The following UNC13B variants were observed in gnomAD, a reference collection of about 807,000 sequenced individuals.
UNC13B encodes the protein unc-13 homolog B.
In UNC13B, 144 loss-of-function variants were observed where a neutral mutation model predicts 211.0. That is an observed-to-expected ratio of 0.68 (90% CI 0.60 to 0.78). The LOEUF (loss-of-function observed/expected upper bound fraction) is 0.78. Among genes scored for constraint, UNC13B ranks in the 30% least tolerant of loss-of-function variants. The pLI is 0.00. For missense variants in UNC13B, 1,777 were observed against 2,002.0 expected, an observed-to-expected ratio of 0.89 and a Z score of 2.14; for synonymous variants, 709 against 725.8, an observed-to-expected ratio of 0.98 and a Z score of 0.37.
rs529822673 is a variant in UNC13B at position 35,277,806 on chromosome 9, T to C, written c.527-17890T>C. ...GTAATTTATAATTACATATTCACAT[T>C]GTGTACACAGTAATACCATGGAAAG... On this transcript the variant is annotated intron_variant, in intron 7 of 39. Coordinates refer to ENST00000635942, the MANE Select transcript of UNC13B (RefSeq NM_001371189.2). Among the ~76,000 whole-genome samples, 16 of 151,948 alleles carry C rather than the reference T, an allele frequency of 1.1e-4. No individual in the cohort carries two copies. The South Asian group carries it at 1.5e-3, about 14-fold the overall frequency.
At chr9:35,197,625 T>C (rs148485449) in intron 1 of UNC13B, among the ~76,000 whole-genome samples, 244 of 152,356 alleles carry the variant, frequency 1.6e-3, no homozygotes, top group African/African-American at 5.5e-3. Context: ...CGAATTGTAT[T>C]GTAATCCCTA....
At chr9:35,191,693 C>G (rs1446826622) in intron 1 of UNC13B, among the ~76,000 whole-genome samples, 3 of 152,228 alleles carry the variant, frequency 2.0e-5, no homozygotes, top group African/African-American at 7.2e-5. Context: ...TCCCCGGGAA[C>G]TAACTTAGCA....
chr9:35,328,608 C>A (rs970226466), intron 11 of UNC13B, among the ~76,000 whole-genome samples: 2 of 82,012 alleles, frequency 2.4e-5, no homozygotes, highest in African/African-American at 1.1e-4. Flanking sequence ...CCCTTCCTTC[C>A]TTCCTTCCTT....
At chr9:35,296,377 TTTTAA>T (rs1386057646) in intron 8 of UNC13B, among the ~76,000 whole-genome samples, 3 of 152,248 alleles carry the variant, frequency 2.0e-5, no homozygotes, top group Non-Finnish European at 4.4e-5. Flanking sequence ...TGGAACTTTG[TTTTAA>T]TTTATTTTAT....
rs1345255656 is a variant in UNC13B at position 35,310,629 on chromosome 9, A to T, written c.9171A>T (p.Ala3057=). Residue 3057 remains alanine (A), a synonymous_variant, in exon 10 of 40, where the codon GCA becomes GCT. Transcript: ENST00000635942. ...ACAGCCTGTCCAGAGATGGCCAAGCAGGTTTTGGAGAACAAGAGAAACCCT... is the reference window on the plus strand; with the variant it reads ...ACAGCCTGTCCAGAGATGGCCAAGCTGGTTTTGGAGAACAAGAGAAACCCT... ...SSHSLSRDGQ[A]GFGEQEKPLE... is the part of the protein sequence containing the mutation. 5 of 1,613,896 alleles carry T rather than the reference A, an allele frequency of 3.1e-6. No individual in the cohort carries two copies. The highest frequency in any genetic ancestry group is 4.2e-6 in the Non-Finnish European group (5 of 1,179,988).
rs141476659 is a variant in UNC13B, at chr9:35,310,714, G to A, written c.9256G>A (p.Asp3086Asn). The change falls in exon 10 of 40, where the codon GAT becomes AAT. Residue 3086 changes from aspartate to asparagine, a missense_variant. Asp to Asn is a conservative substitution (Grantham distance 23). Transcript: ENST00000635942. ...ATGTGAACCCAAGGAGATGAAAGAA[G>A]ATGCCACAACCCACCCTCCCCCAGA... Reference protein sequence around the residue: ...AACEPKEMKEDATTHPPPDLV... With the variant: ...AACEPKEMKENATTHPPPDLV... 1 of 1,614,050 alleles carries A rather than the reference G, an allele frequency of 6.2e-7. No homozygotes were observed. Among genetic ancestry groups the A allele is most frequent in the African/African-American group, 1.3e-5 (1 of 75,026 alleles).
At chr9:35,206,803 G>A (rs1421448026) in intron 1 of UNC13B, among the ~76,000 whole-genome samples, 3 of 150,810 alleles carry the variant, frequency 2.0e-5, no homozygotes, top group African/African-American at 4.9e-5. Flanking sequence ...GAACTGAGGA[G>A]GCGGAGTTTG....
chr9:35,404,230 C>A lies in UNC13B; in HGVS notation c.*197C>A. ...GTCATGAAGCCCTGGCCCAACAGGA[C>A]TGTGGTACTAGGGGCTGGGATGTGG... On this transcript the variant is annotated 3_prime_UTR_variant, in exon 40 of 40. Coordinates refer to ENST00000635942, the MANE Select transcript of UNC13B (RefSeq NM_001371189.2). 1.5e-6 allele frequency: 1 copy of A among 681,814 alleles called. No homozygotes were observed. Among genetic ancestry groups the A allele is most frequent in the Admixed American group, 3.0e-5 (1 of 33,892 alleles). 42.2% of individuals were successfully genotyped at this position (681,814 alleles called of 1,614,324 possible). A position where few individuals can be genotyped will look rare whatever the true frequency, so the allele number is the denominator to read the frequency against.
At chr9:35,390,795 A>G (rs1835484998) in intron 26 of UNC13B, 81 bp downstream of exon 26, 2 of 1,370,332 alleles carry the variant, frequency 1.5e-6, no homozygotes, top group South Asian at 2.6e-5. Flanking sequence ...CTTCTAGACA[A>G]CTACAAGTTC....
intron 11 of UNC13B, chr9:35,351,591 T>C (rs1832722725): frequency 8.1e-7 from 1 of 1,232,170 alleles, no homozygotes; most frequent in Admixed American, 4.2e-5. Context: ...TCCTCCAGGC[T>C]TTCCCCAGAT....
intron 11 of UNC13B, 35 bp downstream of exon 11, chr9:35,314,024 T>C: frequency 6.4e-7 from 1 of 1,559,720 alleles, no homozygotes; most frequent in Non-Finnish European, 8.8e-7. Context: ...TTGGGACAAT[T>C]TTTCCTTTGA....
intron 1 of UNC13B, among the ~76,000 whole-genome samples, chr9:35,199,845 T>C (rs1823175882): frequency 6.6e-6 from 1 of 152,114 alleles, no homozygotes; most frequent in Non-Finnish European, 1.5e-5. Flanking sequence ...TTTAGTTTAA[T>C]TAGATCCCAT....
intron 21 of UNC13B, among the ~76,000 whole-genome samples, chr9:35,383,717 ATG>A (rs1216701554): frequency 6.6e-6 from 1 of 152,124 alleles, no homozygotes; most frequent in African/African-American, 2.4e-5. Context: ...ACTATGGGAA[ATG>A]TGTGTGGAAT....
chr9:35,318,396 G>A (rs953976831), intron 11 of UNC13B, among the ~76,000 whole-genome samples: 8 of 152,124 alleles, frequency 5.3e-5, no homozygotes, highest in South Asian at 2.1e-4. Context: ...CCCCGCTGCC[G>A]CCCCGCCACC....
chr9:35,282,704 G>A (rs948408781), intron 7 of UNC13B, among the ~76,000 whole-genome samples: 1 of 151,998 alleles, frequency 6.6e-6, no homozygotes. Flanking sequence ...CAAAGTGATG[G>A]GATTACAGGT....
At position 35,301,917 on chromosome 9, in the gene UNC13B, A is replaced by G. The variant is rs1430117386; in HGVS notation, c.2513A>G (p.Gln838Arg). The G allele has an allele frequency of 3.8e-5, 15 of 398,802 alleles. No individual in the cohort carries two copies. In the East Asian group the frequency reaches 4.6e-4, roughly 12 times the overall value. The allele number at this position is 398,802 out of a possible 1,614,324, so 24.7% of individuals were successfully genotyped here. A position where few individuals can be genotyped will look rare whatever the true frequency, so the allele number is the denominator to read the frequency against. Residue 838 changes from glutamine (Q) to arginine (R), a missense_variant, in exon 9 of 40, where the codon CAG becomes CGG. By Grantham distance (43) the Gln-to-Arg change is conservative. Transcript: ENST00000635942. ...TTGTCAGAACCTGTGAAAATTCGCCAGGTGGAGGAAGATGGTTTAGAAAGG... is the reference window on the plus strand; with the variant it reads ...TTGTCAGAACCTGTGAAAATTCGCCGGGTGGAGGAAGATGGTTTAGAAAGG... ...ESLSEPVKIR[Q>R]VEEDGLERGS...
intron 26 of UNC13B, among the ~76,000 whole-genome samples, chr9:35,394,554 C>T (rs1316985076): frequency 1.3e-5 from 2 of 152,188 alleles, no homozygotes; most frequent in Non-Finnish European, 2.9e-5. Flanking sequence ...AGAGATAGCA[C>T]CACTGCACTC....
chr9:35,331,545 C>A (rs2131967344), intron 11 of UNC13B, among the ~76,000 whole-genome samples: 1 of 152,320 alleles, frequency 6.6e-6, no homozygotes, highest in Middle Eastern at 3.4e-3. Context: ...CTGTGCCCAG[C>A]ACTTTTTCAG....
Position 35,385,826 on chromosome 9 carries a change from C to A in UNC13B, c.10965+13C>A, listed in dbSNP as rs149089716. 24 of 1,603,888 alleles carry A rather than the reference C, an allele frequency of 1.5e-5. No individual in the cohort carries two copies. The East Asian group carries it at 5.4e-4, about 36-fold the overall frequency. ...CTTCAGAATGAAGGTAAGAAATGGA[C>A]TGGGGCTTGGGTGGTGCTGGGCTGG... On this transcript the variant is annotated intron_variant, in intron 23 of 39. Transcript: ENST00000635942.
Sources: allele counts gnomAD v4.1 joint callset (sites outside exome capture counted in the v4.1 genomes callset), GRCh38; gene constraint gnomAD v4.1.1; transcripts MANE v1.5; gene names NCBI Gene and HGNC (gene_info 2026-07-23, HGNC 2026-07-21).